The following LMO7 variants were observed in gnomAD, a reference collection of about 807,000 sequenced individuals.
LMO7 encodes LIM domain only protein 7.
LMO7 carries 120 observed loss-of-function variants against 206.5 expected under a neutral mutation model. The ratio of observed to expected loss-of-function variants is 0.58; its 90% confidence interval spans 0.50 to 0.68. LMO7 has a LOEUF of 0.68. LMO7 is among the 30% of genes least tolerant of loss of function. The pLI, the probability that LMO7 is intolerant of heterozygous loss-of-function variation, is 0.00. For synonymous variants in LMO7, 706 were observed against 681.5 expected, an observed-to-expected ratio of 1.04 and a Z score of -0.56; for missense variants, 1,959 against 1,957.9, an observed-to-expected ratio of 1.00 and a Z score of -0.01.
chr13:75,787,717 G>C (rs999829809), intron 4 of LMO7, among the ~76,000 whole-genome samples: 8 of 152,140 alleles, frequency 5.3e-5, no homozygotes, highest in African/African-American at 1.4e-4. Context: ...TTGTAGCAAT[G>C]GCAGATTAAA....
chr13:75,709,219 C>T (rs1169569582), intron 1 of LMO7, among the ~76,000 whole-genome samples: 3 of 152,156 alleles, frequency 2.0e-5, no homozygotes, highest in African/African-American at 7.2e-5. Flanking sequence ...TGGCTTGGTT[C>T]CTAGTCTTTG....
chr13:75,823,619 A>C lies in LMO7; in HGVS notation c.2695A>C (p.Asn899His). The C allele has an allele frequency of 3.7e-6, 6 of 1,614,164 alleles. No individual in the cohort carries two copies. Among genetic ancestry groups the C allele is most frequent in the Non-Finnish European group, 4.2e-6 (5 of 1,179,990 alleles). The change falls in exon 15 of 31, where the codon AAC becomes CAC. Residue 899 changes from asparagine (N) to histidine (H), a missense_variant. Transcript: ENST00000377534. ...GDVEDIKRTPNNVVSTPAPSP... is the reference protein window; with the variant it reads ...GDVEDIKRTPHNVVSTPAPSP... ...TGTTGAAGACATTAAGAGAACTCCA[A>C]ACAATGTGGTCAGCACCCCTGCACC...
chr13:75,699,522 C>T (rs1056445216), intron 1 of LMO7, among the ~76,000 whole-genome samples: 3 of 151,480 alleles, frequency 2.0e-5, no homozygotes, highest in African/African-American at 7.3e-5. Flanking sequence ...AGAAATTTTA[C>T]AGCTGGGTCT....
At position 75,757,820 on chromosome 13, in the gene LMO7, G is replaced by A. The variant is rs868586491; in HGVS notation, c.211-3112G>A. 4.1e-5 allele frequency among the ~76,000 whole-genome samples: 5 copies of A among 121,910 alleles called. No individual in the cohort carries two copies. The East Asian group carries it at 1.4e-3, about 33-fold the overall frequency. 80.0% of individuals were successfully genotyped at this position (121,910 alleles called of 152,430 possible). A position where few individuals can be genotyped will look rare whatever the true frequency, so the allele number is the denominator to read the frequency against. On this transcript the variant is annotated intron_variant, in intron 3 of 30. Coordinates refer to ENST00000377534, the MANE Select transcript of LMO7 (RefSeq NM_001306080.2). ...TGTGTGTGTGTGTGTGTGTGTGTGTGTGTGTGTGTGTGTGTGTGTGTATGT... is the reference window on the plus strand; with the variant it reads ...TGTGTGTGTGTGTGTGTGTGTGTGTATGTGTGTGTGTGTGTGTGTGTATGT...
chr13:75,803,770 G>A (rs1225823297), intron 7 of LMO7, among the ~76,000 whole-genome samples: 2 of 151,788 alleles, frequency 1.3e-5, no homozygotes, highest in Admixed American at 1.3e-4. Flanking sequence ...CATATCTAAT[G>A]TGTGATTCTG....
chr13:75,636,428 C>T lies in LMO7; in HGVS notation c.-230C>T. Reference sequence around the variant, plus strand: ...CCGGGTCCCCGCGGGCCTTGGGTCGCTTTCAGGAGTTTAGAGAAAGCCAGG... The same window carrying T: ...CCGGGTCCCCGCGGGCCTTGGGTCGTTTTCAGGAGTTTAGAGAAAGCCAGG... On this transcript the variant is annotated 5_prime_UTR_variant, in exon 1 of 31. Coordinates refer to ENST00000377534, the MANE Select transcript of LMO7 (RefSeq NM_001306080.2). The T allele has an allele frequency of 7.3e-7, 1 of 1,376,758 alleles. No homozygotes were observed. The highest frequency in any genetic ancestry group is 9.4e-7 in the Non-Finnish European group (1 of 1,067,920). The allele number at this position is 1,376,758 out of a possible 1,614,324, so 85.3% of individuals were successfully genotyped here.
chr13:75,671,195 G>C (rs1302749141), intron 1 of LMO7, among the ~76,000 whole-genome samples: 1 of 140,566 alleles, frequency 7.1e-6, no homozygotes, highest in African/African-American at 2.6e-5. Flanking sequence ...GCCTGACACT[G>C]TTTTACAGTT....
chr13:75,701,934 T>A (rs1365121186), intron 1 of LMO7, among the ~76,000 whole-genome samples: 2 of 152,206 alleles, frequency 1.3e-5, no homozygotes, highest in Non-Finnish European at 2.9e-5. Context: ...GGAACCAATC[T>A]TCCTTCATTT....
At chr13:75,766,159 TTGTC>T (rs1270069662) in intron 4 of LMO7, among the ~76,000 whole-genome samples, 2 of 152,110 alleles carry the variant, frequency 1.3e-5, no homozygotes, top group Non-Finnish European at 2.9e-5. Context: ...TTTCAAATGA[TTGTC>T]TGTAGGGCCG....
chr13:75,711,141 G>T (rs1250318367), intron 1 of LMO7, among the ~76,000 whole-genome samples: 1 of 152,220 alleles, frequency 6.6e-6, no homozygotes, highest in African/African-American at 2.4e-5. Context: ...GCATCCCAGG[G>T]ATGAAGCCCA....
At chr13:75,813,296 A>C (rs1304748181) in intron 11 of LMO7, among the ~76,000 whole-genome samples, 1 of 152,208 alleles carries the variant, frequency 6.6e-6, no homozygotes, top group East Asian at 1.9e-4. Flanking sequence ...AGCTTTTGGG[A>C]GATCCCAAAC....
intron 1 of LMO7, among the ~76,000 whole-genome samples, chr13:75,678,008 T>C (rs1410785118): frequency 3.9e-5 from 6 of 152,182 alleles, no homozygotes; most frequent in African/African-American, 4.8e-5. Context: ...TTCCATGGTG[T>C]ATATGTGCCA....
At chr13:75,763,299 A>G (rs1226509923) in intron 4 of LMO7, among the ~76,000 whole-genome samples, 1 of 152,142 alleles carries the variant, frequency 6.6e-6, no homozygotes, top group African/African-American at 2.4e-5. Flanking sequence ...TCCTACTCCA[A>G]ATATTAATAG....
At chr13:75,766,446 G>T (rs1471511892) in intron 4 of LMO7, among the ~76,000 whole-genome samples, 1 of 152,060 alleles carries the variant, frequency 6.6e-6, no homozygotes, top group African/African-American at 2.4e-5. Context: ...TTTGGTTTTA[G>T]GGAAGTCATG....
chr13:75,789,793 G>A (rs2052995243), intron 4 of LMO7, among the ~76,000 whole-genome samples: 3 of 152,198 alleles, frequency 2.0e-5, no homozygotes, highest in Admixed American at 2.0e-4. Flanking sequence ...TTTTGATGCA[G>A]CCCTAGCCCT....
chr13:75,762,931 A>G (rs995283627), intron 4 of LMO7, among the ~76,000 whole-genome samples: 2 of 152,198 alleles, frequency 1.3e-5, no homozygotes, highest in African/African-American at 4.8e-5. Context: ...TTTTTAAAAA[A>G]TGTTGTCCAA....
Position 75,853,076 on chromosome 13 carries a change from C to G in LMO7, c.4365-16C>G, listed in dbSNP as rs1422826622. On this transcript the variant is annotated splice_polypyrimidine_tract_variant and intron_variant, in intron 27 of 30. Coordinates refer to ENST00000377534, the MANE Select transcript of LMO7 (RefSeq NM_001306080.2). Reference sequence around the variant, plus strand: ...AACATGTCACATTATTTTGATGAGTCTTTTTTGTGTTTCAGAGGCGAATCT... The same window carrying G: ...AACATGTCACATTATTTTGATGAGTGTTTTTTGTGTTTCAGAGGCGAATCT... 1 of 1,569,644 alleles carries G rather than the reference C, an allele frequency of 6.4e-7. No homozygotes were observed. The highest frequency in any genetic ancestry group is 8.7e-7 in the Non-Finnish European group (1 of 1,155,790).
At chr13:75,721,278 A>G (rs1194519520) in intron 2 of LMO7, among the ~76,000 whole-genome samples, 1 of 152,214 alleles carries the variant, frequency 6.6e-6, no homozygotes. Flanking sequence ...TTTGTTTGAT[A>G]TTTCACAGAA....
At chr13:75,760,886 T>A in intron 3 of LMO7, 46 bp from the exon 4 acceptor site, 1 of 1,609,830 alleles carries the variant, frequency 6.2e-7, no homozygotes, top group Non-Finnish European at 8.5e-7. Context: ...AACCTTTGTC[T>A]GAGAGAGAGC....
Sources: gnomAD v4.1 joint callset for allele counts (sites outside exome capture counted in the v4.1 genomes callset) on GRCh38, gnomAD v4.1.1 for gene constraint, MANE v1.5 for transcripts, NCBI Gene and HGNC (gene_info 2026-07-23, HGNC 2026-07-21) for gene names.